SUGT1: variants seen among roughly 807,000 people sequenced by gnomAD.
The protein encoded by SUGT1 is SGT1 assembly cochaperone of MIS12 kinetochore complex.
SUGT1 carries 15 observed loss-of-function variants against 56.1 expected under a neutral mutation model. That is an observed-to-expected ratio of 0.27 (90% CI 0.18 to 0.41). The LOEUF (loss-of-function observed/expected upper bound fraction) is 0.41, where lower values mean the gene tolerates loss of function less well. SUGT1 is among the 10% of genes least tolerant of loss of function. The pLI is 1.00. For synonymous variants in SUGT1, 123 were observed against 128.6 expected (o/e 0.96, Z 0.30); for missense variants, 347 against 382.2 (o/e 0.91, Z 0.77).
chr13:52,673,821 A>C (rs532401677), intron 10 of SUGT1, among the ~76,000 whole-genome samples: 11 of 152,342 alleles, frequency 7.2e-5, no homozygotes, highest in African/African-American at 2.6e-4. Context: ...TAATATTAAC[A>C]GTTCTTTTCA....
intron 5 of SUGT1, among the ~76,000 whole-genome samples, chr13:52,659,814 A>ATTT (rs71088033): frequency 1.9e-4 from 11 of 58,724 alleles, no homozygotes; most frequent in Non-Finnish European, 2.9e-4. Context: ...ATATATATAT[A>ATTT]TTTTTTTTTT....
In SUGT1 at chr13:52,689,522, A is replaced by C. The variant is rs1963713568; in HGVS notation, c.*1687A>C. 1 of 152,184 alleles carries C rather than the reference A, an allele frequency of 6.6e-6. No homozygotes were observed. The highest frequency in any genetic ancestry group is 2.4e-5 in the African/African-American group (1 of 41,438). The allele number at this position is 152,184 out of a possible 1,614,324, so 9.4% of individuals were successfully genotyped here. ...TCTAGCAAGTCTTCTGTCATTGACTACCTTCATAATCTTCAGCAGGTTTAG... is the reference window on the plus strand; with the variant it reads ...TCTAGCAAGTCTTCTGTCATTGACTCCCTTCATAATCTTCAGCAGGTTTAG... On this transcript the variant is annotated 3_prime_UTR_variant, in exon 13 of 13. Coordinates refer to ENST00000310528, the MANE Select transcript of SUGT1 (RefSeq NM_006704.5).
At chr13:52,672,087 A>G (rs1216144437) in intron 10 of SUGT1, among the ~76,000 whole-genome samples, 3 of 152,160 alleles carry the variant, frequency 2.0e-5, no homozygotes, top group Non-Finnish European at 4.4e-5. Flanking sequence ...TTACTGTTTT[A>G]TTTTAGTTAT....
intron 12 of SUGT1, among the ~76,000 whole-genome samples, chr13:52,685,206 A>G (rs1963530005): frequency 6.6e-6 from 1 of 150,948 alleles, no homozygotes; most frequent in Admixed American, 6.6e-5. Context: ...AGCTTGCACT[A>G]TAGGTGTGCA....
At chr13:52,666,666 C>G (rs923128876) in intron 9 of SUGT1, 146 bp from the exon 10 acceptor site, 24 of 613,862 alleles carry the variant, frequency 3.9e-5, no homozygotes, top group South Asian at 3.1e-4. Flanking sequence ...CTTTGAGAAC[C>G]TTTTGAGGTT....
chr13:52,699,750 T>C lies in SUGT1; in HGVS notation c.*11915T>C, dbSNP rs1314281201. The stretch of plus-strand genomic sequence containing the variant: ...ATTAATTATCAAGGCTGATGAAATA[T>C]AGGCAGCTGAAAAGAAAATTCTTAG... On this transcript the variant is annotated 3_prime_UTR_variant, in exon 13 of 13. Coordinates refer to ENST00000310528, the MANE Select transcript of SUGT1 (RefSeq NM_006704.5). 2 of 152,326 alleles carry C rather than the reference T, an allele frequency of 1.3e-5. No homozygotes were observed. Among genetic ancestry groups the C allele is most frequent in the African/African-American group, 2.4e-5 (1 of 41,578 alleles). 9.4% of individuals were successfully genotyped at this position (152,326 alleles called of 1,614,324 possible). A position where few individuals can be genotyped will look rare whatever the true frequency, so the allele number is the denominator to read the frequency against.
At chr13:52,666,247 G>C (rs754868491) in intron 9 of SUGT1, among the ~76,000 whole-genome samples, 7 of 152,050 alleles carry the variant, frequency 4.6e-5, no homozygotes, top group Non-Finnish European at 1.0e-4. Context: ...CACCGTGCCT[G>C]GCTAATTTTT....
rs779112377 is a variant in SUGT1, at chr13:52,663,090, T to C, written c.383-6T>C. ...CTGAAAATGTTTCCTTTTTATGTTTTAATAGGCTCAGAATCTGAGGTGGTA... is the reference window on the plus strand; with the variant it reads ...CTGAAAATGTTTCCTTTTTATGTTTCAATAGGCTCAGAATCTGAGGTGGTA... On this transcript the variant is annotated splice_region_variant and splice_polypyrimidine_tract_variant and intron_variant, in intron 6 of 12. Coordinates refer to ENST00000310528, the MANE Select transcript of SUGT1 (RefSeq NM_006704.5). 6.2e-7 allele frequency: 1 copy of C among 1,606,392 alleles called. No homozygotes were observed. Among genetic ancestry groups the C allele is most frequent in the South Asian group, 1.1e-5 (1 of 88,808 alleles).
intron 5 of SUGT1, 138 bp from the exon 6 acceptor site, chr13:52,662,511 C>T (rs1244705000): frequency 1.5e-6 from 1 of 650,246 alleles, no homozygotes. Context: ...GTGATAAGGT[C>T]TGTTAAGACA....
At chr13:52,666,704 T>G (rs1343393723) in intron 9 of SUGT1, 108 bp from the exon 10 acceptor site, 3 of 757,904 alleles carry the variant, frequency 4.0e-6, no homozygotes, top group Non-Finnish European at 6.5e-6. Context: ...ATATATAATG[T>G]TTAAAATAAT....
Position 52,700,560 on chromosome 13 carries a change from A to G in SUGT1, c.*12725A>G, listed in dbSNP as rs1265128011. ...GTATATGAGCATGTGTATTTGTACA[A>G]AAGCCCTTCAAAAGGAGTTCAGCTT... is the stretch of plus-strand genomic sequence containing the variant. On this transcript the variant is annotated 3_prime_UTR_variant, in exon 13 of 13. Coordinates refer to ENST00000310528, the MANE Select transcript of SUGT1 (RefSeq NM_006704.5). The G allele has an allele frequency of 6.6e-6, 1 of 152,116 alleles. No individual in the cohort carries two copies. Among genetic ancestry groups the G allele is most frequent in the East Asian group, 1.9e-4 (1 of 5,198 alleles). 9.4% of individuals were successfully genotyped at this position (152,116 alleles called of 1,614,324 possible). A position where few individuals can be genotyped will look rare whatever the true frequency, so the allele number is the denominator to read the frequency against.
At chr13:52,653,140 A>C in intron 2 of SUGT1, 37 bp downstream of exon 2, 1 of 1,613,396 alleles carries the variant, frequency 6.2e-7, no homozygotes, top group Non-Finnish European at 8.5e-7. Context: ...CACTCTTCTT[A>C]GGGGAGCTGG....
intron 5 of SUGT1, among the ~76,000 whole-genome samples, chr13:52,661,784 G>T (rs1401755321): frequency 6.6e-6 from 1 of 152,152 alleles, no homozygotes; most frequent in African/African-American, 2.4e-5. Flanking sequence ...AATACAGTGT[G>T]TGTGAGAGTG....
chr13:52,662,554 G>A, intron 5 of SUGT1, 95 bp from the exon 6 acceptor site: 2 of 1,315,440 alleles, frequency 1.5e-6, no homozygotes, highest in South Asian at 1.3e-5. Flanking sequence ...CCAGTGCCTA[G>A]AACACTGCCT....
chr13:52,673,346 A>G (rs1316465424), intron 10 of SUGT1, among the ~76,000 whole-genome samples: 1 of 151,314 alleles, frequency 6.6e-6, no homozygotes, highest in Non-Finnish European at 1.5e-5. Context: ...TCTTGGGCTC[A>G]TGTGATCCTC....
rs1963891357 is a variant in SUGT1, at chr13:52,695,151, T to C, written c.*7316T>C. 1 of 152,260 alleles carries C rather than the reference T, an allele frequency of 6.6e-6. No homozygotes were observed. The highest frequency in any genetic ancestry group is 6.5e-5 in the Admixed American group (1 of 15,286). The allele number at this position is 152,260 out of a possible 1,614,324, so 9.4% of individuals were successfully genotyped here. A position where few individuals can be genotyped will look rare whatever the true frequency, so the allele number is the denominator to read the frequency against. On this transcript the variant is annotated 3_prime_UTR_variant, in exon 13 of 13. Coordinates refer to ENST00000310528, the MANE Select transcript of SUGT1 (RefSeq NM_006704.5). Reference sequence around the variant, plus strand: ...TACTGATTATCTGTTTTCTAAACTTTTTCTGTGGCTTGAAGTGACTGAAAG... The same window carrying C: ...TACTGATTATCTGTTTTCTAAACTTCTTCTGTGGCTTGAAGTGACTGAAAG...
In SUGT1 at chr13:52,680,057, A is replaced by C. The variant is rs778453790; in HGVS notation, c.802A>C (p.Asn268His). The C allele has an allele frequency of 3.1e-6, 5 of 1,599,758 alleles. No individual in the cohort carries two copies. The highest frequency in any genetic ancestry group is 3.4e-6 in the Non-Finnish European group (4 of 1,176,444). ...LVGEIKEEEK[N>H]EKLEGDAALN... is the part of the protein sequence containing the mutation. Reference sequence around the variant, plus strand: ...TGGTGAGATCAAAGAAGAAGAAAAGAATGAAAAGTTGGAGGGAGATGCAGC... The same window carrying C: ...TGGTGAGATCAAAGAAGAAGAAAAGCATGAAAAGTTGGAGGGAGATGCAGC... The change falls in exon 12 of 13, where the codon AAT (asparagine) becomes CAT (histidine). Residue 268 changes from asparagine (N) to histidine (H), a missense_variant. Physicochemically the swap from Asn to His is moderately conservative, Grantham distance 68. Transcript: ENST00000310528.
At chr13:52,670,770 G>A (rs929880807) in intron 10 of SUGT1, among the ~76,000 whole-genome samples, 12 of 152,088 alleles carry the variant, frequency 7.9e-5, no homozygotes, top group Admixed American at 2.6e-4. Flanking sequence ...ATCATGTCGC[G>A]CCACTGCACT....
intron 10 of SUGT1, among the ~76,000 whole-genome samples, chr13:52,667,368 G>A (rs4885827): frequency 0.94 from 143,520 of 152,196 alleles, 67,690 homozygotes; most frequent in East Asian, 0.99. Context: ...TTGTTGAGAC[G>A]GAGTCTTGCT....
Sources: allele counts gnomAD v4.1 joint callset (sites outside exome capture counted in the v4.1 genomes callset), GRCh38; gene constraint gnomAD v4.1.1; transcripts MANE v1.5; gene names NCBI Gene and HGNC (gene_info 2026-07-23, HGNC 2026-07-21).